Variants in KIF27 observed in about 807,000 individuals in gnomAD.
The protein encoded by KIF27 is kinesin family member 27.
KIF27 carries 84 observed loss-of-function variants against 141.8 expected under a neutral mutation model. The ratio of observed to expected loss-of-function variants is 0.59; its 90% CI spans 0.50 to 0.71. The LOEUF (loss-of-function observed/expected upper bound fraction) is 0.71. Ranked by LOEUF, KIF27 falls within the 30% of genes least tolerant of loss-of-function variation. The probability of loss-of-function intolerance (pLI) is 0.00; values close to 1 mark genes in which losing one functional copy is unlikely to be tolerated. For synonymous variants in KIF27, 471 were observed against 569.5 expected (o/e 0.83, Z 2.46); for missense variants, 1,306 against 1,628.4 (o/e 0.80, Z 3.41).
chr9:83,879,549 C>A (rs1951505770), intron 11 of KIF27, among the ~76,000 whole-genome samples: 1 of 151,724 alleles, frequency 6.6e-6, no homozygotes, highest in South Asian at 2.1e-4. Flanking sequence ...GCCTTGGGTT[C>A]AGCTTAACAT....
chr9:83,885,730 G>T (rs1464926864), intron 9 of KIF27, among the ~76,000 whole-genome samples: 1 of 152,014 alleles, frequency 6.6e-6, no homozygotes, highest in East Asian at 1.9e-4. Flanking sequence ...CTCTGGGGCT[G>T]AATCAGTCCT....
At chr9:83,884,835 ACT>A (rs1312342269) in intron 9 of KIF27, among the ~76,000 whole-genome samples, 1 of 151,960 alleles carries the variant, frequency 6.6e-6, no homozygotes, top group East Asian at 1.9e-4. Context: ...TCCAAAGCTA[ACT>A]CTCTCCTTTT....
intron 6 of KIF27, 71 bp from the exon 7 acceptor site, chr9:83,889,324 C>G (rs1185841518): frequency 1.2e-5 from 17 of 1,396,098 alleles, no homozygotes; most frequent in Non-Finnish European, 1.6e-5. Flanking sequence ...TCCTATTACT[C>G]TAAGTGCTTT....
intron 1 of KIF27, among the ~76,000 whole-genome samples, chr9:83,917,738 G>A (rs1955838532): frequency 6.6e-6 from 1 of 152,132 alleles, no homozygotes; most frequent in Non-Finnish European, 1.5e-5. Context: ...ATGGCACTGG[G>A]ACAATGGATA....
At chr9:83,863,191 GGC>G (rs1156625918) in intron 13 of KIF27, among the ~76,000 whole-genome samples, 1 of 152,028 alleles carries the variant, frequency 6.6e-6, no homozygotes. Context: ...TGATTGCCCT[GGC>G]CAGAACTTCC....
chr9:83,921,277 G>A (rs1371617551), intron 1 of KIF27, 94 bp downstream of exon 1: 2 of 152,152 alleles, frequency 1.3e-5, no homozygotes, highest in Admixed American at 6.6e-5. Flanking sequence ...CTGGGGGCGC[G>A]GGAGCGGCGG....
chr9:83,864,997 C>T (rs1013640623), intron 13 of KIF27, among the ~76,000 whole-genome samples: 1 of 152,150 alleles, frequency 6.6e-6, no homozygotes, highest in African/African-American at 2.4e-5. Context: ...AGGACTGCAA[C>T]CCCTGCCTTT....
At chr9:83,907,372 AACCC>A (rs1954671567) in intron 3 of KIF27, among the ~76,000 whole-genome samples, 1 of 150,992 alleles carries the variant, frequency 6.6e-6, no homozygotes, top group Admixed American at 6.6e-5. Flanking sequence ...TCTGGAAGGA[AACCC>A]ACCAAAAAGA....
At chr9:83,861,999 A>G (rs983647563) in intron 13 of KIF27, among the ~76,000 whole-genome samples, 1 of 152,180 alleles carries the variant, frequency 6.6e-6, no homozygotes, top group Non-Finnish European at 1.5e-5. Context: ...GTCTGTTCAT[A>G]TCCTTCGCCC....
chr9:83,890,893 G>T (rs1391581872), intron 6 of KIF27, among the ~76,000 whole-genome samples: 2 of 152,072 alleles, frequency 1.3e-5, no homozygotes, highest in Non-Finnish European at 2.9e-5. Flanking sequence ...TGTCTACTTG[G>T]TAAGACTGAA....
intron 1 of KIF27, among the ~76,000 whole-genome samples, chr9:83,920,999 A>G (rs1298878293): frequency 6.6e-6 from 1 of 152,156 alleles, no homozygotes; most frequent in Non-Finnish European, 1.5e-5. Flanking sequence ...CACGCCGTGC[A>G]GCGACACGAG....
intron 3 of KIF27, among the ~76,000 whole-genome samples, chr9:83,907,247 G>A (rs906215798): frequency 4.0e-5 from 6 of 150,692 alleles, no homozygotes; most frequent in East Asian, 2.0e-4. Flanking sequence ...CCCAGATCGC[G>A]CCACTGCACT....
At chr9:83,894,393 T>C (rs890819994) in intron 5 of KIF27, among the ~76,000 whole-genome samples, 2 of 152,240 alleles carry the variant, frequency 1.3e-5, no homozygotes, top group African/African-American at 2.4e-5. Context: ...GACTGCTATC[T>C]TTTAGAAGAC....
rs749964270 is a variant in KIF27, at chr9:83,889,183, A to G, written c.1880T>C (p.Leu627Pro). 2.2e-5 allele frequency: 35 copies of G among 1,613,874 alleles called. No homozygotes were observed. Among genetic ancestry groups the G allele is most frequent in the Non-Finnish European group, 2.7e-5 (32 of 1,179,918 alleles). ...FAGFRTRSQM[L>P]LGHIEEQDKV... is the part of the protein sequence containing the mutation. ...ATCTTGTTCTTCTATGTGACCCAACAGCATCTGACTTCGTGTTCGAAATCC... is the reference window on the plus strand; with the variant it reads ...ATCTTGTTCTTCTATGTGACCCAACGGCATCTGACTTCGTGTTCGAAATCC... Residue 627 changes from leucine to proline, a missense_variant, in exon 7 of 18, where the codon CTG (leucine) becomes CCG (proline). Physicochemically the swap from Leu to Pro is moderately conservative, Grantham distance 98. This residue lies in a region of KIF27 where 596 missense variants were observed against 751.6 expected (regional missense o/e 0.79). Transcript: ENST00000297814.
At position 83,859,335 on chromosome 9, in the gene KIF27, G is replaced by A; in HGVS notation, c.2971C>T (p.Leu991=). Residue 991 remains leucine (L), a synonymous_variant, in exon 14 of 18, where the codon CTG becomes TTG. Coordinates refer to ENST00000297814, the MANE Select transcript of KIF27 (RefSeq NM_017576.4). ...GACAACTCTTGTTCCAGTAAGTTCA[G>A]GCGAGTTGATATTTTCAAACTATCT... The part of the protein sequence containing the change: ...NTDSLKISTR[L]NLLEQELSEK... 1 of 1,614,052 alleles carries A rather than the reference G, an allele frequency of 6.2e-7. No individual in the cohort carries two copies. The highest frequency in any genetic ancestry group is 8.5e-7 in the Non-Finnish European group (1 of 1,180,000).
At position 83,903,381 on chromosome 9, in the gene KIF27, T is replaced by G. The variant is rs368483166; in HGVS notation, c.1137A>C (p.Gln379His). 1.9e-6 allele frequency: 3 copies of G among 1,614,008 alleles called. No individual in the cohort carries two copies. The highest frequency in any genetic ancestry group is 2.7e-5 in the African/African-American group (2 of 74,950). The change falls in exon 4 of 18, where the codon CAA becomes CAC. Residue 379 changes from glutamine (Q) to histidine (H), a missense_variant. Around this residue, in one of 4 missense-constraint regions of KIF27, gnomAD observed 533 missense variants for 565.6 expected, o/e 0.94. Coordinates refer to ENST00000297814, the MANE Select transcript of KIF27 (RefSeq NM_017576.4). The part of the protein sequence containing the change: ...ALQSQQAGVS[Q>H]TTQINREGSP... The stretch of plus-strand genomic sequence containing the variant: ...TCCCTTCTCGATTGATCTGGGTAGT[T>G]TGGCTGACACCAGCCTGCTGGCTTT...
Position 83,853,794 on chromosome 9 carries a change from A to T in KIF27, c.3192T>A (p.Ala1064=). ...TCCTGTATTCAATTGCAGCTTCCAA[A>T]GCTTCAATCCCTTCTTCAAGTTGGA... The part of the protein sequence containing the change: ...VLFQLEEGIE[A]LEAAIEYRNE... The change falls in exon 15 of 18, where the codon GCT becomes GCA. Residue 1064 remains alanine, a synonymous_variant. Transcript: ENST00000297814. The T allele has an allele frequency of 6.2e-7, 1 of 1,613,598 alleles. No individual in the cohort carries two copies. Among genetic ancestry groups the T allele is most frequent in the South Asian group, 1.1e-5 (1 of 91,050 alleles).
At chr9:83,853,164 T>G (rs965894330) in intron 15 of KIF27, among the ~76,000 whole-genome samples, 2 of 152,094 alleles carry the variant, frequency 1.3e-5, no homozygotes, top group Non-Finnish European at 2.9e-5. Flanking sequence ...AATCTACTAT[T>G]ATCTTTGCCA....
intron 3 of KIF27, among the ~76,000 whole-genome samples, chr9:83,906,673 G>T (rs1658637121): frequency 6.7e-6 from 1 of 148,308 alleles, no homozygotes; most frequent in African/African-American, 2.5e-5. Flanking sequence ...AGCTCATGAG[G>T]TTTAGGCTGC....
Sources: gnomAD v4.1 joint callset for allele counts (sites outside exome capture counted in the v4.1 genomes callset) on GRCh38, gnomAD v4.1.1 for gene constraint, gnomAD v4.1.1 regional missense constraint, MANE v1.5 for transcripts, NCBI Gene and HGNC (gene_info 2026-07-23, HGNC 2026-07-21) for gene names.